The following PFDN1 variants were observed in gnomAD, a reference collection of about 807,000 sequenced individuals.
PFDN1 encodes prefoldin subunit 1.
A neutral mutation model predicts 17.3 loss-of-function variants in PFDN1; 6 were observed. That is an observed-to-expected ratio of 0.35 (90% CI 0.19 to 0.69). The LOEUF (loss-of-function observed/expected upper bound fraction) is 0.69. PFDN1 is among the 30% of genes least tolerant of loss of function. PFDN1 has a pLI of 0.65. For missense variants in PFDN1, 113 were observed against 146.2 expected, an observed-to-expected ratio of 0.77 and a Z score of 1.17; for synonymous variants, 58 against 50.1, an observed-to-expected ratio of 1.16 and a Z score of -0.67.
intron 3 of PFDN1, among the ~76,000 whole-genome samples, chr5:140,269,594 T>C (rs556395331): frequency 1.3e-5 from 2 of 152,348 alleles, no homozygotes; most frequent in East Asian, 3.9e-4. Flanking sequence ...GCTGGGATTA[T>C]AGGCGTGAGC....
At chr5:140,290,228 C>T (rs945724283) in intron 2 of PFDN1, among the ~76,000 whole-genome samples, 2 of 152,110 alleles carry the variant, frequency 1.3e-5, no homozygotes, top group African/African-American at 4.8e-5. Context: ...GCAGTTGCAT[C>T]CCCCAAGATT....
At chr5:140,267,211 A>C (rs889943824) in intron 3 of PFDN1, among the ~76,000 whole-genome samples, 1 of 152,258 alleles carries the variant, frequency 6.6e-6, no homozygotes, top group African/African-American at 2.4e-5. Context: ...ACATGCGGTT[A>C]TATTTTATCA....
intron 3 of PFDN1, among the ~76,000 whole-genome samples, chr5:140,280,015 A>AAAAAAAG (rs1765370545): frequency 8.6e-6 from 1 of 115,950 alleles, no homozygotes; most frequent in South Asian, 2.5e-4. Context: ...AAAAAAAAAC[A>AAAAAAAG]AAAAAAGAAA....
chr5:140,257,356 C>T (rs1244082412), intron 3 of PFDN1, among the ~76,000 whole-genome samples: 1 of 152,188 alleles, frequency 6.6e-6, no homozygotes, highest in African/African-American at 2.4e-5. Context: ...ACTCTGTCCC[C>T]CTTTCACTTG....
At chr5:140,266,061 G>A (rs1049113906) in intron 3 of PFDN1, among the ~76,000 whole-genome samples, 1 of 152,130 alleles carries the variant, frequency 6.6e-6, no homozygotes, top group Non-Finnish European at 1.5e-5. Context: ...TCAAAGCCCA[G>A]GTGAAATGCC....
At chr5:140,273,177 G>A (rs1264956409) in intron 3 of PFDN1, among the ~76,000 whole-genome samples, 1 of 151,398 alleles carries the variant, frequency 6.6e-6, no homozygotes, top group Non-Finnish European at 1.5e-5. Flanking sequence ...CCCAGGAGGC[G>A]GAGGTTGCAG....
At chr5:140,282,874 T>G (rs1032561179) in intron 2 of PFDN1, among the ~76,000 whole-genome samples, 1 of 152,224 alleles carries the variant, frequency 6.6e-6, no homozygotes, top group African/African-American at 2.4e-5. Context: ...TTGCAATTAA[T>G]TAAGCAAGAT....
intron 2 of PFDN1, among the ~76,000 whole-genome samples, chr5:140,296,530 A>C (rs1260311840): frequency 1.3e-5 from 2 of 152,218 alleles, no homozygotes; most frequent in Non-Finnish European, 2.9e-5. Context: ...AAATCTTCAG[A>C]GGCAAAGTAA....
chr5:140,278,587 A>AAAC (rs1561508718), intron 3 of PFDN1, among the ~76,000 whole-genome samples: 4 of 131,784 alleles, frequency 3.0e-5, no homozygotes, highest in Admixed American at 7.9e-5. Context: ...AAAAAAAAAA[A>AAAC]CAAAAAACAA....
At chr5:140,260,534 A>C (rs1455850783) in intron 3 of PFDN1, among the ~76,000 whole-genome samples, 1 of 151,484 alleles carries the variant, frequency 6.6e-6, no homozygotes, top group African/African-American at 2.4e-5. Flanking sequence ...GTACTGATAC[A>C]TGCTATAACA....
chr5:140,277,863 A>T (rs546664785), intron 3 of PFDN1, among the ~76,000 whole-genome samples: 6 of 152,352 alleles, frequency 3.9e-5, no homozygotes, highest in African/African-American at 1.4e-4. Flanking sequence ...CTAACAGATG[A>T]CTTCTTAACA....
At position 140,286,411 on chromosome 5, in the gene PFDN1, CA is replaced by C. The variant is rs70988742; in HGVS notation, c.201-4879del. ...TGGGTGACAGAGTGAGACTCTGTCT[CA>C]AAAAAAAAAAAAAAAAAGAAAAGAA... On this transcript the variant is annotated intron_variant, in intron 2 of 3. Coordinates refer to ENST00000261813, the MANE Select transcript of PFDN1 (RefSeq NM_002622.5). Among the ~76,000 whole-genome samples the C allele has an allele frequency of 4.3e-3, 359 of 83,290 alleles. 1 individual carries two copies. Among genetic ancestry groups the C allele is most frequent in the Middle Eastern group, 0.029 (5 of 174 alleles). The allele number at this position is 83,290 out of a possible 152,430, so 54.6% of individuals were successfully genotyped here.
Position 140,303,063 on chromosome 5 carries a change from G to A in PFDN1, c.11C>T (p.Pro4Leu), listed in dbSNP as rs1765772869. Residue 4 changes from proline (P) to leucine (L), a missense_variant, in exon 1 of 4, where the codon CCC (proline) becomes CTC (leucine). Physicochemically the swap from Pro to Leu is moderately conservative, Grantham distance 98. Coordinates refer to ENST00000261813, the MANE Select transcript of PFDN1 (RefSeq NM_002622.5). ...TACCTTCTTCAGCTCTAGATCCACG[G>A]GGGCGGCCATCTTGGTGCACTGTAA... MAA[P>L]VDLELKKAFT... The A allele has an allele frequency of 6.2e-7, 1 of 1,613,070 alleles. No individual in the cohort carries two copies. The highest frequency in any genetic ancestry group is 8.5e-7 in the Non-Finnish European group (1 of 1,179,098).
At chr5:140,295,263 T>C (rs970377742) in intron 2 of PFDN1, among the ~76,000 whole-genome samples, 5 of 152,116 alleles carry the variant, frequency 3.3e-5, no homozygotes, top group African/African-American at 1.2e-4. Context: ...TTATATGCAC[T>C]TTCAAATATA....
chr5:140,256,084 C>T (rs1764981743), intron 3 of PFDN1, among the ~76,000 whole-genome samples: 1 of 152,176 alleles, frequency 6.6e-6, no homozygotes, highest in Admixed American at 6.5e-5. Context: ...CTTCTATTCT[C>T]CTCCGACATA....
In PFDN1 at chr5:140,300,399, G is replaced by C; in HGVS notation, c.200+17C>G. On this transcript the variant is annotated intron_variant, in intron 2 of 3. Transcript: ENST00000261813. ...AGCACTCCCAAAATAACTCCATTAA[G>C]GACACATTTTACTTACATTCTTCCT... The C allele has an allele frequency of 6.4e-7, 1 of 1,558,750 alleles. No homozygotes were observed. Among genetic ancestry groups the C allele is most frequent in the Non-Finnish European group, 8.8e-7 (1 of 1,137,118 alleles).
intron 2 of PFDN1, among the ~76,000 whole-genome samples, chr5:140,284,786 G>T (rs543266804): frequency 6.6e-6 from 1 of 152,300 alleles, no homozygotes; most frequent in East Asian, 1.9e-4. Flanking sequence ...TTTGCAAAAG[G>T]CCTCTTCTTT....
intron 3 of PFDN1, 75 bp downstream of exon 3, chr5:140,281,374 A>G: frequency 2.9e-6 from 2 of 696,940 alleles, no homozygotes; most frequent in Non-Finnish European, 5.1e-6. Context: ...GCAGGCATAC[A>G]TTTTCATTTA....
intron 3 of PFDN1, among the ~76,000 whole-genome samples, chr5:140,276,062 A>ATC (rs1765288323): frequency 6.7e-6 from 1 of 149,052 alleles, no homozygotes. Context: ...TGATGATGAT[A>ATC]ATTACAGAGG....
Sources: allele counts gnomAD v4.1 joint callset (sites outside exome capture counted in the v4.1 genomes callset), GRCh38; gene constraint gnomAD v4.1.1; transcripts MANE v1.5; gene names NCBI Gene and HGNC (gene_info 2026-07-23, HGNC 2026-07-21).